The following TFDP2 variants were observed in gnomAD, a reference collection of about 807,000 sequenced individuals.
TFDP2 encodes transcription factor Dp-2.
A neutral mutation model predicts 59.3 loss-of-function variants in TFDP2; 17 were observed. The observed-to-expected ratio is 0.29, with a 90% CI of 0.20 to 0.43. TFDP2 has a LOEUF of 0.43. TFDP2 is among the 20% of genes least tolerant of loss of function. The pLI is 1.00. For missense variants in TFDP2, 391 were observed against 528.8 expected, an observed-to-expected ratio of 0.74 and a Z score of 2.56; for synonymous variants, 180 against 194.7, an observed-to-expected ratio of 0.92 and a Z score of 0.63.
intron 3 of TFDP2, among the ~76,000 whole-genome samples, chr3:142,045,761 T>A (rs942151669): frequency 1.3e-5 from 2 of 151,682 alleles, no homozygotes; most frequent in African/African-American, 4.8e-5. Context: ...TACAGGCAAA[T>A]GCCACCATGC....
chr3:141,959,979 G>GA, intron 10 of TFDP2, 139 bp from the exon 11 acceptor site: 2 of 709,398 alleles, frequency 2.8e-6, no homozygotes, highest in Non-Finnish European at 4.5e-6. Flanking sequence ...AGAGAGCCAT[G>GA]AGTCATTCTG....
intron 6 of TFDP2, among the ~76,000 whole-genome samples, chr3:141,987,575 G>T (rs1482828963): frequency 7.2e-6 from 1 of 139,590 alleles, no homozygotes; most frequent in South Asian, 2.4e-4. Context: ...GAGCCACTGC[G>T]CCTGGCGTGT....
intron 1 of TFDP2, among the ~76,000 whole-genome samples, chr3:142,109,083 C>T (rs556762731): frequency 6.6e-6 from 1 of 152,322 alleles, no homozygotes; most frequent in East Asian, 1.9e-4. Flanking sequence ...TGTGGTCTGT[C>T]TCTGCCAACT....
intron 3 of TFDP2, among the ~76,000 whole-genome samples, chr3:142,066,370 G>A (rs1256355124): frequency 6.6e-6 from 1 of 152,124 alleles, no homozygotes; most frequent in Non-Finnish European, 1.5e-5. Context: ...ATTGTAAGTT[G>A]GAAATTCATT....
At chr3:142,132,601 C>T (rs531906159) in intron 1 of TFDP2, among the ~76,000 whole-genome samples, 2 of 148,702 alleles carry the variant, frequency 1.3e-5, no homozygotes, top group African/African-American at 5.2e-5. Context: ...AAAAATTAGC[C>T]GGGCATGGTG....
intron 3 of TFDP2, among the ~76,000 whole-genome samples, chr3:142,044,620 C>A (rs915360693): frequency 1.3e-5 from 2 of 152,172 alleles, no homozygotes; most frequent in African/African-American, 4.8e-5. Flanking sequence ...ATCTGCCCAC[C>A]TCGGCTTCCC....
intron 1 of TFDP2, among the ~76,000 whole-genome samples, chr3:142,119,675 G>C (rs1577029380): frequency 6.6e-6 from 1 of 152,140 alleles, no homozygotes; most frequent in Non-Finnish European, 1.5e-5. Context: ...CCAGGAGTTT[G>C]AGGCTGTACT....
chr3:142,065,508 G>GT (rs1491452707), intron 3 of TFDP2, among the ~76,000 whole-genome samples: 174 of 150,604 alleles, frequency 1.2e-3, no homozygotes, highest in South Asian at 1.9e-3. Flanking sequence ...GTGTGTGTGT[G>GT]GGTGTGTGTG....
intron 3 of TFDP2, among the ~76,000 whole-genome samples, chr3:142,007,227 CCCT>C (rs1189558887): frequency 6.6e-6 from 1 of 152,126 alleles, no homozygotes; most frequent in East Asian, 1.9e-4. Context: ...TTAATTTTCC[CCCT>C]AATTCCACAT....
intron 3 of TFDP2, among the ~76,000 whole-genome samples, chr3:142,077,649 T>A (rs2060505925): frequency 6.6e-6 from 1 of 151,550 alleles, no homozygotes; most frequent in African/African-American, 2.4e-5. Flanking sequence ...ACTAAAGAGC[T>A]CTTGGGCCCT....
chr3:142,044,530 G>A (rs909799007), intron 3 of TFDP2, among the ~76,000 whole-genome samples: 9 of 151,930 alleles, frequency 5.9e-5, no homozygotes, highest in African/African-American at 2.2e-4. Context: ...TGCCACACCC[G>A]GCCTAATTTT....
At chr3:142,040,121 A>G (rs953842297) in intron 3 of TFDP2, among the ~76,000 whole-genome samples, 3 of 146,076 alleles carry the variant, frequency 2.1e-5, no homozygotes, top group African/African-American at 5.5e-5. Context: ...TAAAACACAC[A>G]CACACACACA....
intron 3 of TFDP2, among the ~76,000 whole-genome samples, chr3:142,068,274 T>C (rs1186523286): frequency 6.6e-6 from 1 of 151,998 alleles, no homozygotes; most frequent in Non-Finnish European, 1.5e-5. Flanking sequence ...GTCATAAAAA[T>C]CCAAAATGGA....
chr3:142,090,090 T>A (rs2060949533), intron 3 of TFDP2, among the ~76,000 whole-genome samples: 1 of 152,210 alleles, frequency 6.6e-6, no homozygotes, highest in South Asian at 2.1e-4. Context: ...CCAAATCTTG[T>A]TGGTTCACTT....
In TFDP2 at chr3:141,970,115, C is replaced by G. The variant is rs376524807; in HGVS notation, c.690G>C (p.Arg230=). 1.2e-6 allele frequency: 2 copies of G among 1,614,196 alleles called. No individual in the cohort carries two copies. The highest frequency in any genetic ancestry group is 1.7e-5 in the Admixed American group (1 of 60,024). Residue 230 remains arginine (R), a synonymous_variant, in exon 9 of 13, where the codon CGG becomes CGC. Coordinates refer to ENST00000489671, the MANE Select transcript of TFDP2 (RefSeq NM_001178139.2). ...GCAGCTGGGCCCGCTTCTGCTTTAT[C>G]CGTTCTATCCGCCTCTGCTTCTCTA... ...LEIEKQRRIE[R]IKQKRAQLQE... is the part of the protein sequence containing the mutation.
intron 3 of TFDP2, among the ~76,000 whole-genome samples, chr3:142,089,606 T>G (rs1173021836): frequency 6.6e-6 from 1 of 152,152 alleles, no homozygotes; most frequent in Non-Finnish European, 1.5e-5. Flanking sequence ...AGATTCATTA[T>G]GATGTCCAAC....
At position 142,048,350 on chromosome 3, in the gene TFDP2, T is replaced by C. The variant is rs182775084; in HGVS notation, c.83-42806A>G. Among the ~76,000 whole-genome samples, 176 of 151,720 alleles carry C rather than the reference T, an allele frequency of 1.2e-3. 1 individual carries two copies. The highest frequency in any genetic ancestry group is 1.8e-3 in the Non-Finnish European group (123 of 67,930). On this transcript the variant is annotated intron_variant, in intron 3 of 12. Coordinates refer to ENST00000489671, the MANE Select transcript of TFDP2 (RefSeq NM_001178139.2). Reference sequence around the variant, plus strand: ...GAATTGCTGGAGCCTGGGAGACAGATTGCAGTGAGCCGAATTTATACCGCT... The same window carrying C: ...GAATTGCTGGAGCCTGGGAGACAGACTGCAGTGAGCCGAATTTATACCGCT...
At position 142,093,073 on chromosome 3, in the gene TFDP2, T is replaced by A. The variant is rs2061050849; in HGVS notation, c.70A>T (p.Ser24Cys). 3.9e-6 allele frequency: 6 copies of A among 1,535,672 alleles called. No individual in the cohort carries two copies. Among genetic ancestry groups the A allele is most frequent in the Non-Finnish European group, 5.2e-6 (6 of 1,146,554 alleles). ...EVRGFIDQNL[S>C]PTKGNISFVA... ...CAATAATCCTTACCTTTTGTTGGAC[T>A]GAGATTCTGATCTATAAATCCTCTT... is the stretch of plus-strand genomic sequence containing the variant. The change falls in exon 3 of 13, where the codon AGT (serine) becomes TGT (cysteine). Residue 24 changes from serine (S) to cysteine (C), a missense_variant. Around this residue, in one of 3 missense-constraint regions of TFDP2, gnomAD observed 162 missense variants for 206.8 expected, o/e 0.78. Transcript: ENST00000489671.
chr3:142,136,472 GT>G (rs371849901), intron 1 of TFDP2, among the ~76,000 whole-genome samples: 12,662 of 152,068 alleles, frequency 0.083, 692 homozygotes, highest in Middle Eastern at 0.14. Context: ...TGCTTTTGGT[GT>G]TTTAGTCATG....
Sources: gnomAD v4.1 joint callset for allele counts (sites outside exome capture counted in the v4.1 genomes callset) on GRCh38, gnomAD v4.1.1 for gene constraint, gnomAD v4.1.1 regional missense constraint, MANE v1.5 for transcripts, NCBI Gene and HGNC (gene_info 2026-07-23, HGNC 2026-07-21) for gene names.